The following TCTN2 variants were observed in gnomAD, a reference collection of about 807,000 sequenced individuals.
TCTN2 encodes the protein tectonic-2.
A neutral mutation model predicts 83.4 loss-of-function variants in TCTN2; 66 were observed. The ratio of observed to expected loss-of-function variants is 0.79; its 90% CI spans 0.65 to 0.97. TCTN2 has a LOEUF of 0.97. Among genes scored for constraint, TCTN2 ranks in the 50% least tolerant of loss-of-function variants. The pLI is 0.00. For synonymous variants in TCTN2, 301 were observed against 326.7 expected (o/e 0.92, Z 0.85); for missense variants, 794 against 858.1 (o/e 0.93, Z 0.93).
rs572726679 is a variant in TCTN2 at position 123,699,842 on chromosome 12, A to G, written c.1612+32A>G. The G allele has an allele frequency of 2.5e-6, 4 of 1,569,508 alleles. No homozygotes were observed. In the African/African-American group the frequency reaches 4.0e-5, roughly 16 times the overall value. On this transcript the variant is annotated intron_variant, in intron 14 of 17. Transcript: ENST00000303372. ...CAAACCCGGGTACAATAAAGCCTGTAACTTGGTTGCTGTGACTACCAACTG... is the reference window on the plus strand; with the variant it reads ...CAAACCCGGGTACAATAAAGCCTGTGACTTGGTTGCTGTGACTACCAACTG...
At chr12:123,696,574 G>T in intron 12 of TCTN2, 79 bp downstream of exon 12, 1 of 1,297,780 alleles carries the variant, frequency 7.7e-7, no homozygotes, top group South Asian at 1.2e-5. Flanking sequence ...ATCTAATCAA[G>T]CAATCAATTA....
At chr12:123,695,490 C>A (rs1028839355) in intron 11 of TCTN2, 193 bp downstream of exon 11, 8 of 471,330 alleles carry the variant, frequency 1.7e-5, no homozygotes. Flanking sequence ...GGCGCAATCT[C>A]GGCTCACTGC....
intron 5 of TCTN2, among the ~76,000 whole-genome samples, chr12:123,679,844 A>G (rs990799185): frequency 1.0e-4 from 14 of 137,596 alleles, no homozygotes; most frequent in African/African-American, 3.9e-4. Context: ...GGTTCATGCC[A>G]TTCTCCTGCC....
At chr12:123,693,972 C>G (rs1956077796) in intron 9 of TCTN2, among the ~76,000 whole-genome samples, 1 of 151,628 alleles carries the variant, frequency 6.6e-6, no homozygotes, top group African/African-American at 2.4e-5. Flanking sequence ...CACCTGCCAC[C>G]AATCCCGGCT....
intron 8 of TCTN2, among the ~76,000 whole-genome samples, chr12:123,691,898 ATT>A (rs35116981): frequency 1.9e-4 from 26 of 139,344 alleles, no homozygotes; most frequent in Admixed American, 6.5e-4. Flanking sequence ...CACCTGGCTA[ATT>A]TTTTTTTTTT....
Position 123,699,518 on chromosome 12 carries a change from G to A in TCTN2, c.1506-186G>A, listed in dbSNP as rs11613632. ...TCTGTATGTTCTCCCCCAGGTGTGT[G>A]GGTCCATCCTGGGAAGGCCATCAGA... On this transcript the variant is annotated intron_variant, in intron 13 of 17. Transcript: ENST00000303372. 0.36 allele frequency among the ~76,000 whole-genome samples: 54,556 copies of A among 152,044 alleles called. 10,274 individuals are homozygous for A. Among genetic ancestry groups the A allele is most frequent in the African/African-American group, 0.41 (17,069 of 41,472 alleles).
At chr12:123,692,375 G>A (rs1052383588) in intron 8 of TCTN2, among the ~76,000 whole-genome samples, 4 of 152,182 alleles carry the variant, frequency 2.6e-5, no homozygotes, top group African/African-American at 9.6e-5. Flanking sequence ...GCACCATTTT[G>A]TATTGCCACC....
chr12:123,677,296 C>T (rs1240191022), intron 4 of TCTN2, among the ~76,000 whole-genome samples: 1 of 152,164 alleles, frequency 6.6e-6, no homozygotes, highest in Non-Finnish European at 1.5e-5. Context: ...GTTCCGGATA[C>T]CATTGATGTA....
At chr12:123,684,642 T>C (rs1448422688) in intron 5 of TCTN2, among the ~76,000 whole-genome samples, 1 of 152,012 alleles carries the variant, frequency 6.6e-6, no homozygotes. Flanking sequence ...GCAAGTGATC[T>C]ACCCACCTTG....
In TCTN2 at chr12:123,679,262, C is replaced by T. The variant is rs1249668215; in HGVS notation, c.537C>T (p.Ala179=). The part of the protein sequence containing the change: ...GPCPCNLTAG[A]CDVRCCCDQE... Reference sequence around the variant, plus strand: ...GTCCTTGTAATTTAACAGCTGGAGCCTGTGATGTTCGCTGCTGCTGTGACC... The same window carrying T: ...GTCCTTGTAATTTAACAGCTGGAGCTTGTGATGTTCGCTGCTGCTGTGACC... Residue 179 remains alanine (A), a synonymous_variant, in exon 5 of 18, where the codon GCC becomes GCT. Transcript: ENST00000303372. 2 of 1,613,870 alleles carry T rather than the reference C, an allele frequency of 1.2e-6. No homozygotes were observed. Among genetic ancestry groups the T allele is most frequent in the African/African-American group, 2.7e-5 (2 of 74,912 alleles).
At chr12:123,680,256 G>A (rs1955880520) in intron 5 of TCTN2, among the ~76,000 whole-genome samples, 1 of 150,566 alleles carries the variant, frequency 6.6e-6, no homozygotes, top group African/African-American at 2.4e-5. Flanking sequence ...GGAGGCTGAG[G>A]CAGGAGAATC....
chr12:123,706,661 C>T, intron 15 of TCTN2, 65 bp from the exon 16 acceptor site: 1 of 1,611,980 alleles, frequency 6.2e-7, no homozygotes, highest in South Asian at 1.1e-5. Flanking sequence ...CATCCGTTAC[C>T]TGCTGTTCTT....
At chr12:123,703,891 G>A (rs1036885884) in intron 14 of TCTN2, among the ~76,000 whole-genome samples, 7 of 151,832 alleles carry the variant, frequency 4.6e-5, no homozygotes, top group African/African-American at 1.7e-4. Context: ...ATATGTTTCT[G>A]TTAAAAGGCT....
intron 8 of TCTN2, among the ~76,000 whole-genome samples, chr12:123,691,958 G>A (rs1291931831): frequency 8.6e-5 from 13 of 151,666 alleles, no homozygotes; most frequent in East Asian, 1.9e-4. Context: ...GCGATGGCGC[G>A]ATCTCGGCTC....
chr12:123,678,889 C>T (rs1385236851), intron 4 of TCTN2, among the ~76,000 whole-genome samples: 1 of 151,974 alleles, frequency 6.6e-6, no homozygotes, highest in Non-Finnish European at 1.5e-5. Flanking sequence ...GCTCCGCCTC[C>T]CGGGTTCACA....
chr12:123,705,084 A>G (rs1956213985), intron 15 of TCTN2, among the ~76,000 whole-genome samples: 1 of 151,540 alleles, frequency 6.6e-6, no homozygotes, highest in Non-Finnish European at 1.5e-5. Context: ...ACACTGGCCA[A>G]TTACTTAACC....
rs757163495 is a variant in TCTN2, at chr12:123,688,097, G to T, written c.811G>T (p.Ala271Ser). The change falls in exon 7 of 18, where the codon GCA (alanine) becomes TCA (serine). Residue 271 changes from alanine to serine, a missense_variant. Coordinates refer to ENST00000303372, the MANE Select transcript of TCTN2 (RefSeq NM_024809.5). ...CTTTGAAGTATATGTGGATACTGAC[G>T]CAAAAGACTTTGCAGACTTTGGTTA... is the stretch of plus-strand genomic sequence containing the variant. ...SSFEVYVDTDAKDFADFGYKQ... is the reference protein window; with the variant it reads ...SSFEVYVDTDSKDFADFGYKQ... 4 of 1,613,886 alleles carry T rather than the reference G, an allele frequency of 2.5e-6. No homozygotes were observed. The African/African-American group carries it at 5.3e-5, about 22-fold the overall frequency.
At chr12:123,700,310 C>T (rs913777356) in intron 14 of TCTN2, among the ~76,000 whole-genome samples, 22 of 152,178 alleles carry the variant, frequency 1.4e-4, no homozygotes, top group Non-Finnish European at 2.6e-4. Context: ...TGAGCCATTG[C>T]GCCTGGCCAA....
At chr12:123,677,289 C>G (rs941206620) in intron 4 of TCTN2, among the ~76,000 whole-genome samples, 26 of 152,186 alleles carry the variant, frequency 1.7e-4, no homozygotes, top group Non-Finnish European at 1.3e-4. Flanking sequence ...TCTCCTTGTT[C>G]CGGATACCAT....
Sources: gnomAD v4.1 joint callset for allele counts (sites outside exome capture counted in the v4.1 genomes callset) on GRCh38, gnomAD v4.1.1 for gene constraint, MANE v1.5 for transcripts, NCBI Gene and HGNC (gene_info 2026-07-23, HGNC 2026-07-21) for gene names.